The following SRGAP3 variants were observed in gnomAD, a reference collection of about 807,000 sequenced individuals.
SRGAP3 encodes the protein SLIT-ROBO Rho GTPase-activating protein 3.
SRGAP3 carries 39 observed loss-of-function variants against 121.1 expected under a neutral mutation model. That is an observed-to-expected ratio of 0.32 (90% CI 0.25 to 0.42). The LOEUF (loss-of-function observed/expected upper bound fraction) is 0.42, where lower values mean the gene tolerates loss of function less well. Among genes scored for constraint, SRGAP3 ranks in the 10% least tolerant of loss-of-function variants. SRGAP3 has a pLI of 1.00. For missense variants in SRGAP3, 1,213 were observed against 1,470.6 expected, an observed-to-expected ratio of 0.82 and a Z score of 2.86; for synonymous variants, 601 against 570.0, an observed-to-expected ratio of 1.05 and a Z score of -0.77.
At chr3:9,017,536 T>C (rs1378181679) in intron 14 of SRGAP3, among the ~76,000 whole-genome samples, 3 of 152,288 alleles carry the variant, frequency 2.0e-5, no homozygotes, top group South Asian at 4.1e-4. Flanking sequence ...AAGAGATATA[T>C]GGTCAGAAGA....
intron 3 of SRGAP3, among the ~76,000 whole-genome samples, chr3:9,082,245 A>G (rs1336186956): frequency 1.3e-5 from 2 of 152,158 alleles, no homozygotes; most frequent in Admixed American, 6.5e-5. Context: ...TGCCTGTGCT[A>G]TGCTTCCTGT....
At chr3:9,054,337 G>A (rs1311797027) in intron 8 of SRGAP3, among the ~76,000 whole-genome samples, 1 of 152,154 alleles carries the variant, frequency 6.6e-6, no homozygotes, top group Non-Finnish European at 1.5e-5. Context: ...GCCTACAACC[G>A]GGAGGCTTCA....
rs543515746 is a variant in SRGAP3, at chr3:9,015,828, C to T, written c.1679-97G>A. On this transcript the variant is annotated intron_variant, in intron 14 of 21. Coordinates refer to ENST00000383836, the MANE Select transcript of SRGAP3 (RefSeq NM_014850.4). Reference sequence around the variant, plus strand: ...AGATGACCTGGTCCAGCCTGAACCACAGGAAAGGCAGATGGGAAAAGTCTC... The same window carrying T: ...AGATGACCTGGTCCAGCCTGAACCATAGGAAAGGCAGATGGGAAAAGTCTC... The T allele has an allele frequency of 4.0e-5, 60 of 1,482,160 alleles. No individual in the cohort carries two copies. In the South Asian group the frequency reaches 6.5e-4, roughly 16 times the overall value. The allele number at this position is 1,482,160 out of a possible 1,614,324, so 91.8% of individuals were successfully genotyped here. A position where few individuals can be genotyped will look rare whatever the true frequency, so the allele number is the denominator to read the frequency against.
chr3:9,334,039 A>G (rs1240642198), intron 1 of SRGAP3, among the ~76,000 whole-genome samples: 1 of 151,972 alleles, frequency 6.6e-6, no homozygotes, highest in Admixed American at 6.6e-5. Context: ...CTGTTTCCTC[A>G]TATTTTAATA....
chr3:9,270,962 T>C (rs897335678), intron 3 of SRGAP3, among the ~76,000 whole-genome samples: 6 of 152,218 alleles, frequency 3.9e-5, no homozygotes, highest in African/African-American at 1.2e-4. Context: ...CAGATCCCCC[T>C]GCAGAGGATT....
intron 3 of SRGAP3, among the ~76,000 whole-genome samples, chr3:9,098,502 G>A (rs1489885348): frequency 6.6e-6 from 1 of 152,052 alleles, no homozygotes; most frequent in Non-Finnish European, 1.5e-5. Flanking sequence ...CTGAGCTCAA[G>A]CGATCCTCCC....
chr3:9,230,936 A>G (rs1953188306), intron 1 of SRGAP3, among the ~76,000 whole-genome samples: 1 of 151,968 alleles, frequency 6.6e-6, no homozygotes, highest in African/African-American at 2.4e-5. Flanking sequence ...CAAAGCTGAG[A>G]TCGGTCCCCT....
At chr3:9,079,991 T>C (rs771494905) in intron 4 of SRGAP3, 34 bp downstream of exon 4, 3 of 1,613,004 alleles carry the variant, frequency 1.9e-6, no homozygotes, top group Non-Finnish European at 2.5e-6. Context: ...AGAGACCCAA[T>C]CCCAAAACAG....
chr3:9,080,730 T>C (rs1385786466), intron 3 of SRGAP3, among the ~76,000 whole-genome samples: 1 of 152,056 alleles, frequency 6.6e-6, no homozygotes, highest in Non-Finnish European at 1.5e-5. Flanking sequence ...TTCTCATACG[T>C]CCTCGAACCC....
chr3:9,350,380 G>T (rs1046729918), intron 1 of SRGAP3, among the ~76,000 whole-genome samples: 1 of 152,186 alleles, frequency 6.6e-6, no homozygotes, highest in Non-Finnish European at 1.5e-5. Context: ...GAGAGGGAAA[G>T]GATATGTATG....
At chr3:9,244,742 C>T (rs1047191559) in intron 1 of SRGAP3, among the ~76,000 whole-genome samples, 2 of 152,164 alleles carry the variant, frequency 1.3e-5, no homozygotes, top group African/African-American at 4.8e-5. Flanking sequence ...TATGATATCA[C>T]TCCCGGCAAG....
chr3:9,330,314 C>T (rs750277974), intron 2 of SRGAP3, among the ~76,000 whole-genome samples: 8 of 152,218 alleles, frequency 5.3e-5, no homozygotes, highest in African/African-American at 7.2e-5. Context: ...CTAACTGGAT[C>T]CAAGCCAGTT....
At chr3:9,156,397 G>A (rs1321167356) in intron 1 of SRGAP3, among the ~76,000 whole-genome samples, 1 of 152,210 alleles carries the variant, frequency 6.6e-6, no homozygotes, top group African/African-American at 2.4e-5. Flanking sequence ...TGCAGAACCA[G>A]ACCCTGTGGC....
At chr3:9,000,582 T>C (rs970860852) in intron 18 of SRGAP3, among the ~76,000 whole-genome samples, 5 of 152,152 alleles carry the variant, frequency 3.3e-5, no homozygotes, top group African/African-American at 1.2e-4. Context: ...TCAAGAACAG[T>C]GGAGGTCGTG....
intron 17 of SRGAP3, 34 bp downstream of exon 17, chr3:9,013,274 G>A (rs774704075): frequency 3.0e-5 from 47 of 1,592,214 alleles, no homozygotes; most frequent in Non-Finnish European, 3.8e-5. Flanking sequence ...TAACAATGAC[G>A]ATGATAATAA....
intron 1 of SRGAP3, among the ~76,000 whole-genome samples, chr3:9,127,812 G>T: frequency 6.6e-6 from 1 of 152,098 alleles, no homozygotes; most frequent in East Asian, 1.9e-4. Flanking sequence ...CAGCTACTTG[G>T]GAGGCTGAGG....
At chr3:9,293,264 C>T (rs1005139642) in intron 3 of SRGAP3, 69 of 152,276 alleles carry the variant, frequency 4.5e-4, no homozygotes, top group East Asian at 2.1e-3. Context: ...AAAATATCCA[C>T]TTGCCTGGGT....
Position 8,990,736 on chromosome 3 carries a change from G to C in SRGAP3, c.2662C>G (p.Arg888Gly). ...GLGPSIDTPP[R>G]AAACPSSPHK... ...GGGCTGCTGGGGCAGGCAGCAGCCC[G>C]GGGTGGTGTGTCTATGCTGGGGCCC... The change falls in exon 21 of 22, where the codon CGG becomes GGG. Residue 888 changes from arginine (R) to glycine (G), a missense_variant. Physicochemically the swap from Arg to Gly is moderately radical, Grantham distance 125. Coordinates refer to ENST00000383836, the MANE Select transcript of SRGAP3 (RefSeq NM_014850.4). 6.2e-7 allele frequency: 1 copy of C among 1,611,210 alleles called. No homozygotes were observed. The highest frequency in any genetic ancestry group is 8.5e-7 in the Non-Finnish European group (1 of 1,179,240).
intron 2 of SRGAP3, among the ~76,000 whole-genome samples, chr3:9,108,277 A>C (rs899011525): frequency 1.1e-4 from 17 of 152,156 alleles, no homozygotes; most frequent in Admixed American, 9.8e-4. Context: ...CGTGGTACTC[A>C]TATTTTTATA....
Sources: gnomAD v4.1 joint callset for allele counts (sites outside exome capture counted in the v4.1 genomes callset) on GRCh38, gnomAD v4.1.1 for gene constraint, MANE v1.5 for transcripts, NCBI Gene and HGNC (gene_info 2026-07-23, HGNC 2026-07-21) for gene names.